ARHGEF11: variants seen among roughly 807,000 people sequenced by gnomAD.
The protein encoded by ARHGEF11 is Rho guanine nucleotide exchange factor 11.
ARHGEF11 carries 55 observed loss-of-function variants against 193.7 expected under a neutral mutation model. The observed-to-expected ratio is 0.28, with a 90% CI of 0.23 to 0.36. ARHGEF11 has a LOEUF of 0.36. ARHGEF11 is among the 10% of genes least tolerant of loss of function. The probability of loss-of-function intolerance (pLI) is 1.00; values close to 1 mark genes in which losing one functional copy is unlikely to be tolerated. For synonymous variants in ARHGEF11, 693 were observed against 768.0 expected (o/e 0.90, Z 1.62); for missense variants, 1,723 against 2,005.6 (o/e 0.86, Z 2.69).
chr1:157,004,670 G>A (rs1667608356), intron 1 of ARHGEF11, among the ~76,000 whole-genome samples: 1 of 152,062 alleles, frequency 6.6e-6, no homozygotes, highest in South Asian at 2.1e-4. Flanking sequence ...GGTGAGGGAG[G>A]AAAGAAGCCA....
intron 3 of ARHGEF11, among the ~76,000 whole-genome samples, chr1:156,983,979 C>T (rs571561742): frequency 6.6e-6 from 1 of 152,330 alleles, no homozygotes; most frequent in South Asian, 2.1e-4. Context: ...CATCTGTGCA[C>T]TTAGCCAGGT....
At chr1:157,026,177 T>C (rs1308751946) in intron 1 of ARHGEF11, among the ~76,000 whole-genome samples, 1 of 152,206 alleles carries the variant, frequency 6.6e-6, no homozygotes, top group Non-Finnish European at 1.5e-5. Context: ...AGCATCAGTT[T>C]TGCATCTGCC....
intron 2 of ARHGEF11, among the ~76,000 whole-genome samples, chr1:156,984,763 G>C (rs1359175033): frequency 6.6e-6 from 1 of 152,064 alleles, no homozygotes; most frequent in Non-Finnish European, 1.5e-5. Context: ...ACCAGGTCTA[G>C]CCATCCTCCT....
At position 156,986,293 on chromosome 1, in the gene ARHGEF11, G is replaced by A. The variant is rs549859570; in HGVS notation, c.33-120C>T. ...TGGATAATGAGAGACCAACCTACCC[G>A]CCCTGTAACCCAATCTGGTAGGACA... On this transcript the variant is annotated intron_variant, in intron 1 of 40. Coordinates refer to ENST00000368194, the MANE Select transcript of ARHGEF11 (RefSeq NM_198236.3). 1.5e-4 allele frequency: 108 copies of A among 708,756 alleles called. 1 individual carries two copies. The African/African-American group carries it at 1.7e-3, about 11-fold the overall frequency. 43.9% of individuals were successfully genotyped at this position (708,756 alleles called of 1,614,324 possible).
intron 1 of ARHGEF11, among the ~76,000 whole-genome samples, chr1:157,035,548 G>A (rs1205688629): frequency 1.3e-5 from 2 of 151,816 alleles, no homozygotes; most frequent in Non-Finnish European, 2.9e-5. Context: ...TGGGATTACA[G>A]GAATGCACCA....
At chr1:156,977,088 G>A (rs1467149284) in intron 6 of ARHGEF11, 34 bp from the exon 7 acceptor site, 10 of 1,587,606 alleles carry the variant, frequency 6.3e-6, no homozygotes, top group Admixed American at 1.7e-5. Context: ...ATAAGAGTTA[G>A]GGACTAACTC....
chr1:156,944,149 C>A (rs773675515), intron 31 of ARHGEF11, 47 bp from the exon 32 acceptor site: 1 of 1,593,562 alleles, frequency 6.3e-7, no homozygotes, highest in Non-Finnish European at 8.6e-7. Flanking sequence ...GCCTACTCAT[C>A]CCTCATGAGC....
Position 156,936,951 on chromosome 1 carries a change from C to A in ARHGEF11, c.4495G>T (p.Gly1499Cys). 1 of 1,614,052 alleles carries A rather than the reference C, an allele frequency of 6.2e-7. No individual in the cohort carries two copies. Among genetic ancestry groups the A allele is most frequent in the South Asian group, 1.1e-5 (1 of 91,068 alleles). ...LLKSLGGESS[G>C]GTTPVGSFHT... ...AAACTGCCCACAGGCGTGGTGCCAC[C>A]AGATGACTCTCCCCCAAGGGACTTG... Residue 1499 changes from glycine to cysteine, a missense_variant, in exon 40 of 41, where the codon GGT (glycine) becomes TGT (cysteine). By Grantham distance (159) the Gly-to-Cys change is radical (BLOSUM62 -3). Coordinates refer to ENST00000368194, the MANE Select transcript of ARHGEF11 (RefSeq NM_198236.3).
chr1:156,942,238 C>A (rs1391110751), intron 33 of ARHGEF11, among the ~76,000 whole-genome samples: 1 of 152,214 alleles, frequency 6.6e-6, no homozygotes, highest in Non-Finnish European at 1.5e-5. Flanking sequence ...CTAAAGTAAT[C>A]CTCTAACAGG....
At chr1:156,949,020 T>A in intron 22 of ARHGEF11, 2 of 985,418 alleles carry the variant, frequency 2.0e-6, no homozygotes, top group Non-Finnish European at 2.4e-6. Context: ...TATTCACAGC[T>A]CATTTTAGGA....
intron 32 of ARHGEF11, 111 bp from the exon 33 acceptor site, chr1:156,942,891 GGA>G: frequency 2.4e-6 from 2 of 827,438 alleles, no homozygotes; most frequent in Middle Eastern, 3.0e-4. Context: ...CAACGCAGAT[GGA>G]GAGTGCAGCA....
At chr1:156,973,884 C>A (rs553129226) in intron 7 of ARHGEF11, among the ~76,000 whole-genome samples, 1 of 152,276 alleles carries the variant, frequency 6.6e-6, no homozygotes, top group East Asian at 1.9e-4. Flanking sequence ...CTGCAATAGC[C>A]TCCTCGATGG....
intron 5 of ARHGEF11, 144 bp downstream of exon 5, chr1:156,979,085 T>C (rs541075441): frequency 9.6e-6 from 7 of 727,132 alleles, no homozygotes; most frequent in African/African-American, 8.6e-5. Context: ...TCACTCCATG[T>C]TACGATTAAA....
At chr1:156,946,537 G>A (rs373227233) in intron 28 of ARHGEF11, 125 bp downstream of exon 28, 36 of 1,324,068 alleles carry the variant, frequency 2.7e-5, no homozygotes, top group South Asian at 9.1e-5. Context: ...TTTGAGGAGC[G>A]TGTGTCGAAG....
At chr1:157,046,346 C>G (rs1316701805), upstream of ARHGEF11, among the ~76,000 whole-genome samples, 1 of 152,138 alleles carries the variant, frequency 6.6e-6, no homozygotes, top group Non-Finnish European at 1.5e-5. Flanking sequence ...CCCTGCCCGC[C>G]CAGCCACCGT....
At chr1:157,029,261 T>TTTGTTGTTG (rs3082842) in intron 1 of ARHGEF11, among the ~76,000 whole-genome samples, 26,624 of 150,266 alleles carry the variant, frequency 0.18, 2,426 homozygotes, top group East Asian at 0.34. Flanking sequence ...TTTGGTGGTT[T>TTTGTTGTTG]TTGTTGTTGT....
At chr1:156,939,003 C>T (rs894195518) in intron 37 of ARHGEF11, 2 of 182,452 alleles carry the variant, frequency 1.1e-5, no homozygotes, top group African/African-American at 2.4e-5. Context: ...TTTCCCAACC[C>T]GGGGTGCCCT....
upstream of ARHGEF11, among the ~76,000 whole-genome samples, chr1:157,046,309 C>T (rs1453515255): frequency 6.6e-6 from 1 of 152,018 alleles, no homozygotes; most frequent in Non-Finnish European, 1.5e-5. Flanking sequence ...TTGACTTCTG[C>T]TCGGGAGCCG....
intron 1 of ARHGEF11, among the ~76,000 whole-genome samples, chr1:156,989,771 C>T (rs151258692): frequency 1.3e-5 from 2 of 152,322 alleles, no homozygotes; most frequent in East Asian, 3.9e-4. Flanking sequence ...TGAAAAAGGT[C>T]AAACTACATT....
Sources: allele counts gnomAD v4.1 joint callset (sites outside exome capture counted in the v4.1 genomes callset), GRCh38; gene constraint gnomAD v4.1.1; transcripts MANE v1.5; gene names NCBI Gene and HGNC (gene_info 2026-07-23, HGNC 2026-07-21).